TUBB8B: variants seen among roughly 807,000 people sequenced by gnomAD.
TUBB8B encodes the protein HSA18p11 beta-tubulin 4Q pseudogene.
TUBB8B carries 26 observed loss-of-function variants against 31.9 expected under a neutral mutation model. The observed-to-expected ratio is 0.81, with a 90% CI of 0.60 to 1.13. The LOEUF is 1.13. Ranked by LOEUF, TUBB8B falls within the 50% of genes most tolerant of loss-of-function variation. TUBB8B has a pLI of 0.00. For synonymous variants in TUBB8B, 173 were observed against 231.0 expected, an observed-to-expected ratio of 0.75 and a Z score of 2.28; for missense variants, 467 against 586.7, an observed-to-expected ratio of 0.80 and a Z score of 2.11.
the TUBB8B span, among the ~76,000 whole-genome samples, chr18:69,307 A>AAT: frequency 1.3e-5 from 2 of 151,432 alleles, no homozygotes; most frequent in Non-Finnish European, 2.9e-5. Context: ...TACAAAAAAA[A>AAT]ACAAAAATTA....
the TUBB8B span, among the ~76,000 whole-genome samples, chr18:68,057 C>G: frequency 6.6e-6 from 1 of 152,144 alleles, no homozygotes; most frequent in Non-Finnish European, 1.5e-5. Context: ...AGACTCTTAC[C>G]GGGGTGCTTG....
chr18:63,125 G>C, the TUBB8B span, among the ~76,000 whole-genome samples: 1 of 151,588 alleles, frequency 6.6e-6, no homozygotes, highest in Non-Finnish European at 1.5e-5. Flanking sequence ...TCCAGGATTT[G>C]CCCCTGGTGC....
chr18:71,568 TTAAAAAAA>T, the TUBB8B span, among the ~76,000 whole-genome samples: 22 of 78,482 alleles, frequency 2.8e-4, 1 homozygote, highest in African/African-American at 6.0e-4. Flanking sequence ...AAAAAAAAAT[TTAAAAAAA>T]AAAAAAAAAA....
chr18:53,749 A>G (rs1906197473), upstream of TUBB8B, among the ~76,000 whole-genome samples: 1 of 151,932 alleles, frequency 6.6e-6, no homozygotes, highest in Non-Finnish European at 1.5e-5. Flanking sequence ...GATTACAAGC[A>G]TGAGCTACTG....
the TUBB8B span, among the ~76,000 whole-genome samples, chr18:63,937 C>T: frequency 6.6e-6 from 1 of 150,406 alleles, no homozygotes. Flanking sequence ...TAGCCTTAGC[C>T]TTAACCCTTA....
At chr18:73,280 C>T in the TUBB8B span, 1 of 163,920 alleles carries the variant, frequency 6.1e-6, no homozygotes, top group Non-Finnish European at 1.5e-5. Flanking sequence ...CTCCGCTGCA[C>T]TCGCAGCGCG....
chr18:71,918 C>G, the TUBB8B span, among the ~76,000 whole-genome samples: 1 of 151,450 alleles, frequency 6.6e-6, no homozygotes, highest in Non-Finnish European at 1.5e-5. Flanking sequence ...GTGGCTCACG[C>G]GTGTAATCCC....
the TUBB8B span, among the ~76,000 whole-genome samples, chr18:68,899 T>C: frequency 6.6e-6 from 1 of 152,170 alleles, no homozygotes; most frequent in South Asian, 2.1e-4. Context: ...TTAATGCATG[T>C]TCCCTCAAGC....
chr18:68,558 T>C, the TUBB8B span, among the ~76,000 whole-genome samples: 1 of 152,142 alleles, frequency 6.6e-6, no homozygotes, highest in Non-Finnish European at 1.5e-5. Context: ...AGACCCTGCG[T>C]TCCCAGGGAA....
chr18:65,028 C>T, the TUBB8B span, among the ~76,000 whole-genome samples: 4 of 151,974 alleles, frequency 2.6e-5, no homozygotes, highest in Admixed American at 2.0e-4. Flanking sequence ...AGGCCAGGTG[C>T]GGTGGCTCAC....
chr18:68,707 T>C, the TUBB8B span, among the ~76,000 whole-genome samples: 1 of 152,280 alleles, frequency 6.6e-6, no homozygotes, highest in Admixed American at 6.5e-5. Flanking sequence ...CACTCTCTGA[T>C]TCAACTTTTA....
chr18:57,850 A>G, the TUBB8B span, among the ~76,000 whole-genome samples: 364 of 151,954 alleles, frequency 2.4e-3, 1 homozygote, highest in African/African-American at 8.3e-3. Flanking sequence ...CCAAGTCTCA[A>G]CTCTTGCATT....
chr18:48,492 C>T, intron 3 of TUBB8B, 45 bp from the exon 4 acceptor site: 4 of 1,061,938 alleles, frequency 3.8e-6, no homozygotes, highest in Non-Finnish European at 5.8e-6. Context: ...GGTATACGGT[C>T]ATCAGTGGTC....
At chr18:61,226 CTT>C in the TUBB8B span, among the ~76,000 whole-genome samples, 1 of 151,386 alleles carries the variant, frequency 6.6e-6, no homozygotes, top group Non-Finnish European at 1.5e-5. Context: ...TTCCTACAGT[CTT>C]TTGTTGAAAT....
At chr18:72,304 G>GA in the TUBB8B span, among the ~76,000 whole-genome samples, 6 of 149,732 alleles carry the variant, frequency 4.0e-5, no homozygotes, top group South Asian at 1.1e-3. Context: ...CAAGGCCAAG[G>GA]AAAAAAAAAG....
chr18:66,058 C>T, the TUBB8B span, among the ~76,000 whole-genome samples: 1 of 152,194 alleles, frequency 6.6e-6, no homozygotes, highest in African/African-American at 2.4e-5. Context: ...GGAAAACTCT[C>T]TCTCTACAAA....
chr18:57,179 T>C, the TUBB8B span, among the ~76,000 whole-genome samples: 2 of 151,708 alleles, frequency 1.3e-5, no homozygotes, highest in Non-Finnish European at 2.9e-5. Flanking sequence ...CAAAATACAA[T>C]CATGACATCC....
chr18:49,287 G>A lies in TUBB8B; in HGVS notation c.58-50C>T, dbSNP rs1275958546. 1.4e-5 allele frequency: 21 copies of A among 1,493,840 alleles called. No individual in the cohort carries two copies. In the African/African-American group the frequency reaches 1.8e-4, roughly 13 times the overall value. The allele number at this position is 1,493,840 out of a possible 1,614,324, so 92.5% of individuals were successfully genotyped here. A position where few individuals can be genotyped will look rare whatever the true frequency, so the allele number is the denominator to read the frequency against. On this transcript the variant is annotated intron_variant, in intron 1 of 3. Coordinates refer to ENST00000308911, the MANE Select transcript of TUBB8B (RefSeq NM_001358689.2). The stretch of plus-strand genomic sequence containing the variant: ...CAGGCCGGGGCTGAGTCACGGAGGC[G>A]CCCCAGCCGCTCTCCCACCCCCACC...
At chr18:70,560 A>T in the TUBB8B span, among the ~76,000 whole-genome samples, 1 of 152,236 alleles carries the variant, frequency 6.6e-6, no homozygotes, top group Admixed American at 6.5e-5. Context: ...GCTTGAGTCC[A>T]GGAAGGGGAG....
Sources: allele counts gnomAD v4.1 joint callset (sites outside exome capture counted in the v4.1 genomes callset), GRCh38; gene constraint gnomAD v4.1.1; transcripts MANE v1.5; gene names NCBI Gene and HGNC (gene_info 2026-07-23, HGNC 2026-07-21).